The following ZNF143 variants were observed in gnomAD, a reference collection of about 807,000 sequenced individuals.
ZNF143 encodes the protein zinc finger protein 143.
ZNF143 carries 49 observed loss-of-function variants against 74.1 expected under a neutral mutation model. The observed-to-expected ratio is 0.66, with a 90% CI of 0.53 to 0.84. The LOEUF (loss-of-function observed/expected upper bound fraction) is 0.84, where lower values mean the gene tolerates loss of function less well. Among genes scored for constraint, ZNF143 ranks in the 40% least tolerant of loss-of-function variants. The probability of loss-of-function intolerance (pLI) is 0.00; values close to 1 mark genes in which losing one functional copy is unlikely to be tolerated. For missense variants in ZNF143, 637 were observed against 793.4 expected (o/e 0.80, Z 2.37); for synonymous variants, 304 against 282.8 (o/e 1.07, Z -0.75).
chr11:9,486,397 A>AT (rs1565038941), intron 7 of ZNF143, among the ~76,000 whole-genome samples: 23 of 9,938 alleles, frequency 2.3e-3, no homozygotes, highest in Non-Finnish European at 4.4e-3. Flanking sequence ...AATATATATA[A>AT]TATATTATAT....
chr11:9,516,568 A>G (rs1158802156), intron 14 of ZNF143, among the ~76,000 whole-genome samples: 1 of 152,170 alleles, frequency 6.6e-6, no homozygotes, highest in African/African-American at 2.4e-5. Context: ...AGGTTGATAT[A>G]AGGATTGAAT....
At chr11:9,473,640 C>G (rs1856715143) in intron 3 of ZNF143, 2 of 554,598 alleles carry the variant, frequency 3.6e-6, no homozygotes, top group Non-Finnish European at 6.0e-6. Context: ...GTCACTGATT[C>G]TAAGTGACTC....
chr11:9,473,112 C>G (rs1856681649), intron 3 of ZNF143, among the ~76,000 whole-genome samples: 1 of 151,872 alleles, frequency 6.6e-6, no homozygotes, highest in African/African-American at 2.4e-5. Context: ...CATTTGGGGC[C>G]GGGCATGGTG....
chr11:9,511,876 C>T lies in ZNF143; in HGVS notation c.1376-572C>T, dbSNP rs1260113927. Among the ~76,000 whole-genome samples, 23 of 151,088 alleles carry T rather than the reference C, an allele frequency of 1.5e-4. 1 individual carries two copies. The highest frequency in any genetic ancestry group is 8.9e-5 in the Non-Finnish European group (6 of 67,780). The stretch of plus-strand genomic sequence containing the variant: ...ATGCCATTCTCCTGCCTCAGCCTCC[C>T]GAGCAGCTGGGACTACAGGCGCCCG... On this transcript the variant is annotated intron_variant, in intron 12 of 15. Coordinates refer to ENST00000396602, the MANE Select transcript of ZNF143 (RefSeq NM_003442.6).
At chr11:9,477,942 C>A (rs1365204502) in intron 5 of ZNF143, among the ~76,000 whole-genome samples, 1 of 152,204 alleles carries the variant, frequency 6.6e-6, no homozygotes, top group Non-Finnish European at 1.5e-5. Context: ...TCTCCTGCCT[C>A]AGCCTCCCCA....
chr11:9,461,143 G>A (rs2133788733), intron 1 of ZNF143, 67 bp downstream of exon 1: 1 of 962,658 alleles, frequency 1.0e-6, no homozygotes, highest in African/African-American at 1.8e-5. Flanking sequence ...CCTCAGCGCG[G>A]CGGCGCGGGC....
chr11:9,499,588 G>C (rs1033123856), intron 10 of ZNF143, among the ~76,000 whole-genome samples: 3 of 152,262 alleles, frequency 2.0e-5, no homozygotes, highest in Non-Finnish European at 4.4e-5. Flanking sequence ...GCCTGTGGTC[G>C]CAGCTACCCG....
At chr11:9,492,095 C>T (rs1301790508) in intron 7 of ZNF143, among the ~76,000 whole-genome samples, 1 of 150,642 alleles carries the variant, frequency 6.6e-6, no homozygotes, top group Non-Finnish European at 1.5e-5. Context: ...TTCGCCACCA[C>T]ACCTGGCTAA....
intron 14 of ZNF143, among the ~76,000 whole-genome samples, chr11:9,521,726 G>A (rs1335460489): frequency 6.6e-6 from 1 of 151,962 alleles, no homozygotes; most frequent in Non-Finnish European, 1.5e-5. Flanking sequence ...CATATTTATT[G>A]ATATAAAGAT....
intron 11 of ZNF143, among the ~76,000 whole-genome samples, chr11:9,505,768 A>G (rs1166388925): frequency 6.6e-6 from 1 of 151,072 alleles, no homozygotes; most frequent in Admixed American, 6.6e-5. Context: ...AATCCCAGCT[A>G]CTTGGGAGAC....
At chr11:9,508,419 GCA>G (rs1848434692) in intron 11 of ZNF143, among the ~76,000 whole-genome samples, 198 bp from the exon 12 acceptor site, 1 of 152,158 alleles carries the variant, frequency 6.6e-6, no homozygotes, top group African/African-American at 2.4e-5. Flanking sequence ...CATGGAGACA[GCA>G]CTAAGGATCA....
At chr11:9,462,355 T>G (rs1855915696) in intron 1 of ZNF143, among the ~76,000 whole-genome samples, 1 of 151,840 alleles carries the variant, frequency 6.6e-6, no homozygotes, top group Admixed American at 6.6e-5. Context: ...ATTTAAAATG[T>G]GTAATTAGGC....
rs35945973 is a variant in ZNF143 at position 9,502,607 on chromosome 11, CAAAA to C, written c.1147+1349_1147+1352del. Among the ~76,000 whole-genome samples, 202 of 135,242 alleles carry C rather than the reference CAAAA, an allele frequency of 1.5e-3. 2 individuals are homozygous for C. The highest frequency in any genetic ancestry group is 5.4e-3 in the African/African-American group (197 of 36,318). The allele number at this position is 135,242 out of a possible 152,430, so 88.7% of individuals were successfully genotyped here. On this transcript the variant is annotated intron_variant, in intron 11 of 15. Transcript: ENST00000396602. Reference sequence around the variant, plus strand: ...CCTGAGCAAGAGCGAGACTCCATCTCAAAAAAAAAAAAAAAGTATGTGTTTCAGT... The same window carrying C: ...CCTGAGCAAGAGCGAGACTCCATCTCAAAAAAAAAAAGTATGTGTTTCAGT...
intron 8 of ZNF143, among the ~76,000 whole-genome samples, chr11:9,495,783 G>A (rs1021642353): frequency 1.7e-4 from 26 of 152,210 alleles, no homozygotes; most frequent in Non-Finnish European, 2.9e-5. Flanking sequence ...TAAATGTTCA[G>A]TAAATGTTAG....
At chr11:9,473,391 C>CAAA (rs56303913) in intron 3 of ZNF143, among the ~76,000 whole-genome samples, 1 of 127,558 alleles carries the variant, frequency 7.8e-6, no homozygotes, top group Non-Finnish European at 1.6e-5. Context: ...AACTCTGTCT[C>CAAA]AAAAAAAAAA....
intron 12 of ZNF143, among the ~76,000 whole-genome samples, chr11:9,510,325 C>T (rs1421873486): frequency 6.6e-6 from 1 of 151,854 alleles, no homozygotes. Context: ...GGGGTTTCAC[C>T]GTGTTAGCCA....
intron 11 of ZNF143, among the ~76,000 whole-genome samples, chr11:9,505,850 G>T (rs1355697335): frequency 7.0e-6 from 1 of 142,178 alleles, no homozygotes; most frequent in Non-Finnish European, 1.5e-5. Flanking sequence ...CTGCACTCCA[G>T]CCTGGGCGAC....
chr11:9,465,144 A>G (rs933756268), intron 1 of ZNF143, among the ~76,000 whole-genome samples: 8 of 152,148 alleles, frequency 5.3e-5, no homozygotes, highest in African/African-American at 1.9e-4. Context: ...GGAAAACTGA[A>G]AATGTTTGAT....
At chr11:9,477,376 T>A (rs962331739) in intron 5 of ZNF143, among the ~76,000 whole-genome samples, 3 of 152,044 alleles carry the variant, frequency 2.0e-5, no homozygotes, top group African/African-American at 7.2e-5. Context: ...TGCTTCAGCC[T>A]CCCAAGTAGC....
Sources: gnomAD v4.1 joint callset for allele counts (sites outside exome capture counted in the v4.1 genomes callset) on GRCh38, gnomAD v4.1.1 for gene constraint, MANE v1.5 for transcripts, NCBI Gene and HGNC (gene_info 2026-07-23, HGNC 2026-07-21) for gene names.